Variants in CBLN2 observed in about 807,000 individuals in gnomAD.
CBLN2 encodes the protein cerebellin-2.
Under a neutral mutation model 15.0 loss-of-function variants are expected in CBLN2, and 7 were observed. That is an observed-to-expected ratio of 0.47 (90% confidence interval 0.27 to 0.88). The LOEUF (loss-of-function observed/expected upper bound fraction) is 0.88. CBLN2 is among the 40% of genes least tolerant of loss of function. The probability of loss-of-function intolerance (pLI) is 0.14; values close to 1 mark genes in which losing one functional copy is unlikely to be tolerated. For missense variants in CBLN2, 242 were observed against 304.5 expected, an observed-to-expected ratio of 0.79 and a Z score of 1.53; for synonymous variants, 149 against 135.2, an observed-to-expected ratio of 1.10 and a Z score of -0.71.
intron 1 of CBLN2, among the ~76,000 whole-genome samples, chr18:72,625,904 T>C (rs2069736236): frequency 6.7e-6 from 1 of 149,350 alleles, no homozygotes; most frequent in Admixed American, 6.7e-5. Context: ...TCTTATACTA[T>C]TTTGGATGTG....
At chr18:72,584,287 T>C (rs944572926) in intron 1 of CBLN2, among the ~76,000 whole-genome samples, 1 of 151,280 alleles carries the variant, frequency 6.6e-6, no homozygotes, top group African/African-American at 2.4e-5. Flanking sequence ...CTCTTGGCTC[T>C]CTTCAGAAAA....
chr18:72,632,432 C>G (rs1823840997), intron 1 of CBLN2, among the ~76,000 whole-genome samples: 1 of 152,124 alleles, frequency 6.6e-6, no homozygotes, highest in Non-Finnish European at 1.5e-5. Flanking sequence ...AAGTTAAATA[C>G]CTCAGACTCC....
At chr18:72,585,905 G>A (rs2069439759) in intron 1 of CBLN2, among the ~76,000 whole-genome samples, 1 of 152,252 alleles carries the variant, frequency 6.6e-6, no homozygotes, top group African/African-American at 2.4e-5. Context: ...TGGCCAGCTT[G>A]CAACAGTGCT....
upstream of CBLN2, among the ~76,000 whole-genome samples, chr18:72,547,575 G>A (rs575919706): frequency 6.6e-6 from 1 of 151,906 alleles, no homozygotes; most frequent in South Asian, 2.1e-4. Flanking sequence ...TAATTGTATA[G>A]CTTTAGTTTT....
intron 1 of CBLN2, among the ~76,000 whole-genome samples, chr18:72,589,752 T>C (rs1017250340): frequency 1.3e-5 from 2 of 152,128 alleles, no homozygotes; most frequent in South Asian, 2.1e-4. Context: ...AAATTAGAAA[T>C]AGTAGAAACA....
rs538462397 is a variant in CBLN2, at chr18:72,577,625, T to C, written c.16-38853A>G. On this transcript the variant is annotated intron_variant, in intron 1 of 2. Transcript: ENST00000581073. ...TTAACTATTTCTCAGATACAATTAG[T>C]CTCCATGGGCAAGAGCCAGTGCGTG... Among the ~76,000 whole-genome samples, 5 of 152,328 alleles carry C rather than the reference T, an allele frequency of 3.3e-5. No homozygotes were observed. The South Asian group carries it at 1.0e-3, about 32-fold the overall frequency.
chr18:72,620,600 G>C (rs1489873207), intron 1 of CBLN2: 1 of 152,230 alleles, frequency 6.6e-6, no homozygotes, highest in Non-Finnish European at 1.5e-5. Context: ...GCTGTTGGTA[G>C]TATAGGAAAA....
chr18:72,600,065 A>C (rs773454219), intron 1 of CBLN2, among the ~76,000 whole-genome samples: 2 of 152,222 alleles, frequency 1.3e-5, no homozygotes, highest in African/African-American at 4.8e-5. Context: ...CTGCAGAAGC[A>C]CTTGTGGCCA....
chr18:72,568,789 C>A (rs1322148023), intron 1 of CBLN2, among the ~76,000 whole-genome samples: 1 of 152,034 alleles, frequency 6.6e-6, no homozygotes, highest in African/African-American at 2.4e-5. Flanking sequence ...AATATTTATA[C>A]CACAAAATTG....
At chr18:72,587,239 C>A (rs1013713369) in intron 1 of CBLN2, among the ~76,000 whole-genome samples, 5 of 151,844 alleles carry the variant, frequency 3.3e-5, no homozygotes, top group South Asian at 2.1e-4. Flanking sequence ...GAATATGAAA[C>A]CTTTTAAATC....
At chr18:72,552,984 T>C (rs2069200636) in intron 1 of CBLN2, among the ~76,000 whole-genome samples, 1 of 152,214 alleles carries the variant, frequency 6.6e-6, no homozygotes, top group South Asian at 2.1e-4. Context: ...TTTTAAATTT[T>C]CCACCACATG....
At chr18:72,630,542 C>G (rs1975120) in intron 1 of CBLN2, among the ~76,000 whole-genome samples, 17,822 of 146,018 alleles carry the variant, frequency 0.12, 1,257 homozygotes, top group Admixed American at 0.22. Context: ...TCACAACCCT[C>G]CCCCCCACAC....
At chr18:72,593,993 T>A (rs1159797935) in intron 1 of CBLN2, among the ~76,000 whole-genome samples, 3 of 152,100 alleles carry the variant, frequency 2.0e-5, no homozygotes, top group Admixed American at 2.0e-4. Flanking sequence ...GGGACATGGA[T>A]GAAGCTGGAA....
chr18:72,562,974 T>C (rs2069271398), intron 1 of CBLN2, among the ~76,000 whole-genome samples: 1 of 152,234 alleles, frequency 6.6e-6, no homozygotes, highest in African/African-American at 2.4e-5. Context: ...CGAGAGGTGC[T>C]CAAATAGTGG....
intron 1 of CBLN2, among the ~76,000 whole-genome samples, chr18:72,597,480 G>A (rs2069520462): frequency 6.6e-6 from 1 of 152,172 alleles, no homozygotes; most frequent in Non-Finnish European, 1.5e-5. Context: ...AGATTGCACT[G>A]GGTCAGACCC....
intron 1 of CBLN2, among the ~76,000 whole-genome samples, chr18:72,572,001 A>C (rs1176433602): frequency 6.6e-6 from 1 of 152,198 alleles, no homozygotes; most frequent in Non-Finnish European, 1.5e-5. Flanking sequence ...ATCATACATA[A>C]TTTGCTAGAA....
At position 72,543,715 on chromosome 18, in the gene CBLN2, C is replaced by G. The variant is rs1007395708; in HGVS notation, c.-211-185G>C. ...TAGGCGCCGCGCCCGGGACCGGGAACCCCGCGTCTCGCCCGGCTCAGCGCC... is the reference window on the plus strand; with the variant it reads ...TAGGCGCCGCGCCCGGGACCGGGAAGCCCGCGTCTCGCCCGGCTCAGCGCC... On this transcript the variant is annotated intron_variant, in intron 1 of 4. Transcript: ENST00000269503. The surrounding 1 kb of genome is among the most constrained non-coding windows in gnomAD (Gnocchi z 6.8). Among the ~76,000 whole-genome samples the G allele has an allele frequency of 2.0e-5, 3 of 151,818 alleles. No homozygotes were observed. The highest frequency in any genetic ancestry group is 4.4e-5 in the Non-Finnish European group (3 of 67,932).
At chr18:72,570,036 C>T (rs1028706434) in intron 1 of CBLN2, among the ~76,000 whole-genome samples, 4 of 152,086 alleles carry the variant, frequency 2.6e-5, no homozygotes, top group African/African-American at 7.2e-5. Flanking sequence ...AAATTTCCAG[C>T]GAGTGTATAC....
intron 1 of CBLN2, among the ~76,000 whole-genome samples, chr18:72,635,004 T>C (rs1197986515): frequency 6.6e-6 from 1 of 152,242 alleles, no homozygotes; most frequent in East Asian, 1.9e-4. Flanking sequence ...TGGCTTATAT[T>C]TGTTAGTGTT....
Sources: gnomAD v4.1 joint callset for allele counts (sites outside exome capture counted in the v4.1 genomes callset) on GRCh38, gnomAD v4.1.1 for gene constraint, Gnocchi (gnomAD v3.1) non-coding constraint, MANE v1.5 for transcripts, NCBI Gene and HGNC (gene_info 2026-07-23, HGNC 2026-07-21) for gene names.